The following PIP4K2A variants were observed in gnomAD, a reference collection of about 807,000 sequenced individuals.
The protein encoded by PIP4K2A is phosphatidylinositol-5-phosphate 4-kinase type 2 alpha.
A neutral mutation model predicts 42.9 loss-of-function variants in PIP4K2A; 14 were observed. The ratio of observed to expected loss-of-function variants is 0.33; its 90% confidence interval spans 0.22 to 0.51. PIP4K2A has a LOEUF of 0.51. PIP4K2A is among the 20% of genes least tolerant of loss of function. PIP4K2A has a pLI of 0.97. For missense variants in PIP4K2A, 434 were observed against 519.8 expected (o/e 0.83, Z 1.61); for synonymous variants, 192 against 192.2 (o/e 1.00, Z 0.01).
intron 1 of PIP4K2A, among the ~76,000 whole-genome samples, chr10:22,671,245 G>A (rs1180101507): frequency 6.6e-6 from 1 of 151,978 alleles, no homozygotes; most frequent in African/African-American, 2.4e-5. Flanking sequence ...ACTGCCTTTG[G>A]CAATAAACCA....
At chr10:22,588,983 G>T (rs1251205466) in intron 4 of PIP4K2A, among the ~76,000 whole-genome samples, 2 of 152,196 alleles carry the variant, frequency 1.3e-5, no homozygotes, top group African/African-American at 2.4e-5. Context: ...CTTATTTTAT[G>T]TAACACTGGG....
chr10:22,682,951 C>T (rs1839691266), intron 1 of PIP4K2A, among the ~76,000 whole-genome samples: 1 of 152,148 alleles, frequency 6.6e-6, no homozygotes, highest in Non-Finnish European at 1.5e-5. Context: ...AATGTGCGGT[C>T]ATCTACCATG....
intron 4 of PIP4K2A, 95 bp from the exon 5 acceptor site, chr10:22,573,552 T>A: frequency 9.1e-7 from 1 of 1,093,596 alleles, no homozygotes; most frequent in Non-Finnish European, 1.3e-6. Context: ...TCATACAAAG[T>A]GAAAACCTCC....
At chr10:22,567,239 T>G (rs917046037) in intron 6 of PIP4K2A, among the ~76,000 whole-genome samples, 1 of 152,240 alleles carries the variant, frequency 6.6e-6, no homozygotes, top group Middle Eastern at 3.2e-3. Context: ...ATCCTTCAAG[T>G]TGACTCTCTC....
Position 22,714,343 on chromosome 10 carries a change from C to T in PIP4K2A, c.-17G>A. 1.3e-6 allele frequency: 2 copies of T among 1,563,550 alleles called. No individual in the cohort carries two copies. The highest frequency in any genetic ancestry group is 1.7e-6 in the Non-Finnish European group (2 of 1,153,682). The stretch of plus-strand genomic sequence containing the variant: ...GGTCGCCATGGCCGCCTCCTATGTC[C>T]CCTCCACCGCCGTGCTCCCGAGGCC... On this transcript the variant is annotated 5_prime_UTR_variant, in exon 1 of 10. Transcript: ENST00000376573.
At chr10:22,684,932 G>C (rs567739433) in intron 1 of PIP4K2A, among the ~76,000 whole-genome samples, 1 of 152,188 alleles carries the variant, frequency 6.6e-6, no homozygotes, top group South Asian at 2.1e-4. Context: ...GACCATTTCG[G>C]CAAGTGTCCA....
At chr10:22,543,661 G>C (rs187606186) in intron 7 of PIP4K2A, among the ~76,000 whole-genome samples, 3 of 152,294 alleles carry the variant, frequency 2.0e-5, no homozygotes, top group African/African-American at 7.2e-5. Flanking sequence ...TCCTCCCCTA[G>C]AATCTCGGCA....
At chr10:22,578,204 C>G (rs763851311) in intron 4 of PIP4K2A, among the ~76,000 whole-genome samples, 12 of 152,146 alleles carry the variant, frequency 7.9e-5, no homozygotes, top group Non-Finnish European at 1.5e-4. Context: ...AACACAAACC[C>G]TTCTTTGACT....
intron 4 of PIP4K2A, among the ~76,000 whole-genome samples, chr10:22,578,348 C>T (rs947984904): frequency 2.0e-5 from 3 of 152,200 alleles, no homozygotes; most frequent in African/African-American, 7.2e-5. Context: ...TTTCCTTTCC[C>T]TTCAGAGCAA....
intron 1 of PIP4K2A, among the ~76,000 whole-genome samples, chr10:22,635,165 G>A (rs1838636379): frequency 6.6e-6 from 1 of 152,106 alleles, no homozygotes; most frequent in African/African-American, 2.4e-5. Context: ...TAATATAATG[G>A]TGGGTATGTA....
At chr10:22,641,588 C>T (rs932427641) in intron 1 of PIP4K2A, among the ~76,000 whole-genome samples, 5 of 151,374 alleles carry the variant, frequency 3.3e-5, no homozygotes, top group Non-Finnish European at 5.9e-5. Flanking sequence ...ACTACAGGTA[C>T]GTGCAACCAC....
At chr10:22,603,727 G>T (rs768506431) in intron 3 of PIP4K2A, among the ~76,000 whole-genome samples, 1 of 152,100 alleles carries the variant, frequency 6.6e-6, no homozygotes, top group Non-Finnish European at 1.5e-5. Flanking sequence ...CAGACCTCAG[G>T]GTGATCAGGG....
chr10:22,627,716 T>A (rs546900887), intron 1 of PIP4K2A, among the ~76,000 whole-genome samples: 12 of 149,474 alleles, frequency 8.0e-5, no homozygotes, highest in Non-Finnish European at 1.6e-4. Flanking sequence ...CACCTCACCA[T>A]GCAAGGGCTT....
At chr10:22,585,556 C>T (rs187423801) in intron 4 of PIP4K2A, among the ~76,000 whole-genome samples, 33 of 152,094 alleles carry the variant, frequency 2.2e-4, no homozygotes, top group African/African-American at 7.7e-4. Flanking sequence ...CCTCGGGTTA[C>T]ATTCTAAGTC....
At chr10:22,585,875 C>G (rs1251657773) in intron 4 of PIP4K2A, among the ~76,000 whole-genome samples, 1 of 152,124 alleles carries the variant, frequency 6.6e-6, no homozygotes, top group South Asian at 2.1e-4. Context: ...GGGTTACAGG[C>G]ATGAGCCACT....
At chr10:22,573,618 C>T (rs796742200) in intron 4 of PIP4K2A, among the ~76,000 whole-genome samples, 161 bp from the exon 5 acceptor site, 3 of 152,246 alleles carry the variant, frequency 2.0e-5, no homozygotes, top group African/African-American at 7.2e-5. Flanking sequence ...TTACCAATCA[C>T]ATCTGTGTTC....
At chr10:22,707,730 C>A (rs755782210) in intron 1 of PIP4K2A, among the ~76,000 whole-genome samples, 1 of 152,206 alleles carries the variant, frequency 6.6e-6, no homozygotes, top group Non-Finnish European at 1.5e-5. Flanking sequence ...GTGTTCCCCC[C>A]CAAGAATTCT....
chr10:22,666,493 C>G (rs1049966595), intron 1 of PIP4K2A, among the ~76,000 whole-genome samples: 1 of 152,150 alleles, frequency 6.6e-6, no homozygotes, highest in Non-Finnish European at 1.5e-5. Context: ...GAAAAATTAT[C>G]GATCCCAAAA....
intron 1 of PIP4K2A, among the ~76,000 whole-genome samples, chr10:22,688,883 T>C (rs1355308779): frequency 6.6e-6 from 1 of 152,196 alleles, no homozygotes; most frequent in East Asian, 1.9e-4. Flanking sequence ...ACCATTAAGT[T>C]CCTTACATAT....
Sources: allele counts gnomAD v4.1 joint callset (sites outside exome capture counted in the v4.1 genomes callset), GRCh38; gene constraint gnomAD v4.1.1; transcripts MANE v1.5; gene names NCBI Gene and HGNC (gene_info 2026-07-23, HGNC 2026-07-21).